PAK1: variants seen among roughly 807,000 people sequenced by gnomAD.
PAK1 encodes serine/threonine-protein kinase PAK 1.
PAK1 carries 29 observed loss-of-function variants against 67.4 expected under a neutral mutation model. The observed-to-expected ratio is 0.43, with a 90% CI of 0.32 to 0.59. The LOEUF (loss-of-function observed/expected upper bound fraction) is 0.59. Ranked by LOEUF, PAK1 falls within the 20% of genes least tolerant of loss-of-function variation. The pLI is 0.07. For missense variants in PAK1, 337 were observed against 670.7 expected, an observed-to-expected ratio of 0.50 and a Z score of 5.50; for synonymous variants, 223 against 237.4, an observed-to-expected ratio of 0.94 and a Z score of 0.56.
chr11:77,380,221 C>T (rs1424553435), intron 2 of PAK1, among the ~76,000 whole-genome samples: 4 of 152,158 alleles, frequency 2.6e-5, no homozygotes, highest in East Asian at 1.9e-4. Context: ...TGGCCGGGCA[C>T]GGTGGTTCAT....
the PAK1 span, among the ~76,000 whole-genome samples, chr11:77,483,975 C>T: frequency 6.6e-6 from 1 of 152,124 alleles, no homozygotes; most frequent in Admixed American, 6.5e-5. Flanking sequence ...GGATGAGCAT[C>T]TGATTCAGGT....
rs1280362244 is a variant in PAK1 at position 77,340,635 on chromosome 11, C to T, written c.1116+11G>A. 2 of 1,417,626 alleles carry T rather than the reference C, an allele frequency of 1.4e-6. No individual in the cohort carries two copies. Among genetic ancestry groups the T allele is most frequent in the African/African-American group, 1.4e-5 (1 of 71,314 alleles). The allele number at this position is 1,417,626 out of a possible 1,614,324, so 87.8% of individuals were successfully genotyped here. On this transcript the variant is annotated intron_variant, in intron 11 of 14. Coordinates refer to ENST00000356341, the MANE Select transcript of PAK1 (RefSeq NM_002576.5). ...GCTTTCTACCCAAGACTGCTTGGCC[C>T]TTGGCCTTACCTCACGGCACACAGC...
chr11:77,447,094 C>T (rs1956647640), intron 1 of PAK1, among the ~76,000 whole-genome samples: 1 of 152,116 alleles, frequency 6.6e-6, no homozygotes, highest in Admixed American at 6.5e-5. Flanking sequence ...GAGCTAGATC[C>T]TATTTTTGTT....
upstream of PAK1, chr11:77,474,364 C>T (rs368713851): frequency 1.3e-5 from 2 of 152,122 alleles, no homozygotes; most frequent in East Asian, 3.9e-4. Flanking sequence ...GTCATCGGCG[C>T]GTGACGCCAG....
chr11:77,343,676 G>C (rs1943979746), intron 10 of PAK1, 143 bp downstream of exon 10: 1 of 635,004 alleles, frequency 1.6e-6, no homozygotes, highest in East Asian at 2.7e-5. Context: ...CATTACACAG[G>C]GTCACATACA....
intron 5 of PAK1, among the ~76,000 whole-genome samples, chr11:77,363,133 C>CTGCT (rs1947029809): frequency 6.6e-6 from 1 of 152,240 alleles, no homozygotes; most frequent in African/African-American, 2.4e-5. Flanking sequence ...TTTTGGGTGG[C>CTGCT]TGCTGCCTGA....
chr11:77,421,721 G>A (rs1481820814), intron 1 of PAK1, among the ~76,000 whole-genome samples: 2 of 152,166 alleles, frequency 1.3e-5, no homozygotes, highest in Non-Finnish European at 2.9e-5. Context: ...GTCTTAGAGT[G>A]GCCTAAAGTA....
the PAK1 span, among the ~76,000 whole-genome samples, chr11:77,514,458 G>A: frequency 7.2e-5 from 11 of 152,148 alleles, no homozygotes; most frequent in Non-Finnish European, 1.6e-4. Context: ...TCACACCACC[G>A]CACACCAGCC....
the PAK1 span, among the ~76,000 whole-genome samples, chr11:77,481,758 T>G: frequency 6.6e-6 from 1 of 152,108 alleles, no homozygotes; most frequent in African/African-American, 2.4e-5. Context: ...TTTTTGGATT[T>G]GTATAGGTGA....
intron 1 of PAK1, among the ~76,000 whole-genome samples, chr11:77,470,409 T>C (rs1957797263): frequency 6.6e-6 from 1 of 152,206 alleles, no homozygotes; most frequent in African/African-American, 2.4e-5. Flanking sequence ...TGTCATATTA[T>C]CTCTAGCTCC....
rs147630042 is a variant in PAK1 at position 77,369,444 on chromosome 11, C to CTTT, written c.477+4881_477+4883dup. On this transcript the variant is annotated intron_variant, in intron 5 of 14. Transcript: ENST00000356341. ...TTTGTTGTTTAAACCTTATACATTT[C>CTTT]TTTTTTTTTTTTTTTTTTTTTGAGA... Among the ~76,000 whole-genome samples the CTTT allele has an allele frequency of 3.0e-3, 263 of 86,732 alleles. 1 individual carries two copies. The highest frequency in any genetic ancestry group is 4.0e-3 in the Non-Finnish European group (187 of 46,914). The allele number at this position is 86,732 out of a possible 152,430, so 56.9% of individuals were successfully genotyped here.
At chr11:77,340,573 T>C (rs1943446395) in intron 11 of PAK1, 73 bp downstream of exon 11, 1 of 793,492 alleles carries the variant, frequency 1.3e-6, no homozygotes, top group African/African-American at 1.7e-5. Flanking sequence ...GAGATCTCAC[T>C]GTACAGGGAA....
chr11:77,509,428 C>A, the PAK1 span, among the ~76,000 whole-genome samples: 1 of 152,110 alleles, frequency 6.6e-6, no homozygotes, highest in Non-Finnish European at 1.5e-5. Context: ...TAAACAAACA[C>A]TGGGCTGTTA....
chr11:77,452,982 T>C (rs1956922304), intron 1 of PAK1, among the ~76,000 whole-genome samples: 1 of 152,166 alleles, frequency 6.6e-6, no homozygotes, highest in Admixed American at 6.5e-5. Flanking sequence ...TTTACTAGTA[T>C]TACAGAACAA....
At chr11:77,426,766 A>G (rs1441254848) in intron 1 of PAK1, among the ~76,000 whole-genome samples, 1 of 152,020 alleles carries the variant, frequency 6.6e-6, no homozygotes, top group African/African-American at 2.4e-5. Context: ...ATATTAGAAA[A>G]TATTCTGATC....
the PAK1 span, among the ~76,000 whole-genome samples, chr11:77,482,851 C>G: frequency 1.3e-5 from 2 of 151,990 alleles, no homozygotes; most frequent in Admixed American, 6.6e-5. Flanking sequence ...GCGATCCTCC[C>G]GACTTCAGAC....
chr11:77,506,055 A>G, the PAK1 span, among the ~76,000 whole-genome samples: 4 of 152,212 alleles, frequency 2.6e-5, no homozygotes, highest in African/African-American at 9.6e-5. Context: ...GCTCCCAGTC[A>G]GGTTTGGATG....
At chr11:77,435,169 C>A (rs537472516) in intron 1 of PAK1, among the ~76,000 whole-genome samples, 85 of 145,212 alleles carry the variant, frequency 5.9e-4, no homozygotes, top group African/African-American at 2.0e-3. Flanking sequence ...AGAAAAAAAA[C>A]ACTGAATTGT....
At chr11:77,487,888 G>T in the PAK1 span, among the ~76,000 whole-genome samples, 1 of 152,170 alleles carries the variant, frequency 6.6e-6, no homozygotes, top group Non-Finnish European at 1.5e-5. Flanking sequence ...CACAAGCCTG[G>T]CTGGCTTCTA....
Sources: gnomAD v4.1 joint callset for allele counts (sites outside exome capture counted in the v4.1 genomes callset) on GRCh38, gnomAD v4.1.1 for gene constraint, MANE v1.5 for transcripts, NCBI Gene and HGNC (gene_info 2026-07-23, HGNC 2026-07-21) for gene names.